The following PDZRN3 variants were observed in gnomAD, a reference collection of about 807,000 sequenced individuals.
PDZRN3 encodes the protein E3 ubiquitin-protein ligase PDZRN3.
A neutral mutation model predicts 85.7 loss-of-function variants in PDZRN3; 38 were observed. The observed-to-expected ratio is 0.44, with a 90% CI of 0.34 to 0.58. The LOEUF (loss-of-function observed/expected upper bound fraction) is 0.58. Ranked by LOEUF, PDZRN3 falls within the 20% of genes least tolerant of loss-of-function variation. The pLI, the probability that PDZRN3 is intolerant of heterozygous loss-of-function variation, is 0.01. For missense variants in PDZRN3, 1,629 were observed against 1,506.4 expected (o/e 1.08, Z -1.35); for synonymous variants, 759 against 638.0 (o/e 1.19, Z -2.86).
intron 3 of PDZRN3, among the ~76,000 whole-genome samples, chr3:73,458,261 C>T (rs754447748): frequency 6.6e-6 from 1 of 151,946 alleles, no homozygotes; most frequent in Non-Finnish European, 1.5e-5. Context: ...TGAGTGGATT[C>T]TGCTCGGTGC....
At chr3:73,484,027 G>C (rs1246067545) in intron 3 of PDZRN3, among the ~76,000 whole-genome samples, 2 of 152,120 alleles carry the variant, frequency 1.3e-5, no homozygotes, top group African/African-American at 2.4e-5. Context: ...AAAGTGGAGG[G>C]ACGTAGAATC....
intron 8 of PDZRN3, 101 bp from the exon 9 acceptor site, chr3:73,385,886 G>C (rs1701372109): frequency 2.7e-6 from 2 of 737,110 alleles, no homozygotes; most frequent in Admixed American, 2.0e-5. Context: ...TATTTCTAGG[G>C]CTTCCTCCAA....
chr3:73,439,432 G>A (rs868069832), intron 3 of PDZRN3, among the ~76,000 whole-genome samples: 1 of 152,190 alleles, frequency 6.6e-6, no homozygotes, highest in Non-Finnish European at 1.5e-5. Flanking sequence ...CATGGCTAGA[G>A]AGCCCAAATC....
chr3:73,480,428 CACACATAA>C (rs1012062674), intron 3 of PDZRN3, among the ~76,000 whole-genome samples: 17 of 152,184 alleles, frequency 1.1e-4, no homozygotes, highest in African/African-American at 3.9e-4. Flanking sequence ...TGGTTTTCTG[CACACATAA>C]GTCTCTCGGC....
At chr3:73,595,515 T>C (rs185628728) in intron 3 of PDZRN3, among the ~76,000 whole-genome samples, 4 of 152,234 alleles carry the variant, frequency 2.6e-5, no homozygotes, top group Admixed American at 6.5e-5. Flanking sequence ...AAGCAAGAAA[T>C]ATCAAGTCTT....
intron 3 of PDZRN3, among the ~76,000 whole-genome samples, chr3:73,521,832 TAA>T (rs1202966988): frequency 1.3e-5 from 2 of 152,140 alleles, no homozygotes; most frequent in Admixed American, 6.5e-5. Flanking sequence ...AAATGTTTGT[TAA>T]ATACCTGTTG....
intron 3 of PDZRN3, among the ~76,000 whole-genome samples, chr3:73,437,770 T>G (rs1463645543): frequency 6.6e-6 from 1 of 152,180 alleles, no homozygotes; most frequent in Non-Finnish European, 1.5e-5. Flanking sequence ...CTAGCACATT[T>G]AGAATGGTGT....
intron 3 of PDZRN3, among the ~76,000 whole-genome samples, chr3:73,473,244 A>G (rs956687558): frequency 3.3e-5 from 5 of 152,074 alleles, no homozygotes; most frequent in Admixed American, 3.3e-4. Context: ...TTTCGCAGAA[A>G]TATTTTTTTT....
chr3:73,521,636 A>G (rs1031530800), intron 3 of PDZRN3, among the ~76,000 whole-genome samples: 3 of 152,000 alleles, frequency 2.0e-5, no homozygotes, highest in Admixed American at 2.0e-4. Context: ...GCTGCTGCAC[A>G]CTCTGCTGTA....
At chr3:73,531,659 C>T (rs1303196222) in intron 3 of PDZRN3, among the ~76,000 whole-genome samples, 1 of 152,180 alleles carries the variant, frequency 6.6e-6, no homozygotes, top group Non-Finnish European at 1.5e-5. Context: ...TAAGGGACTG[C>T]CTTCCTGGTC....
At position 73,443,484 on chromosome 3, in the gene PDZRN3, T is replaced by TTTC. The variant is rs1553689599; in HGVS notation, c.919-39090_919-39089insGAA. On this transcript the variant is annotated intron_variant, in intron 3 of 9. Transcript: ENST00000263666. Reference sequence around the variant, plus strand: ...CTTGATTTATTTTCCTTTTTCTTTTTTTTTTTTTTTTTTTGGGGGGGGGAC... The same window carrying TTTC: ...CTTGATTTATTTTCCTTTTTCTTTTTTTCTTTTTTTTTTTTTTGGGGGGGGGAC... Among the ~76,000 whole-genome samples, 3 of 20,998 alleles carry TTTC rather than the reference T, an allele frequency of 1.4e-4. No homozygotes were observed. In the South Asian group the frequency reaches 0.029, roughly 202 times the overall value. 13.8% of individuals were successfully genotyped at this position (20,998 alleles called of 152,430 possible).
At chr3:73,412,916 G>A (rs1196043765) in intron 3 of PDZRN3, among the ~76,000 whole-genome samples, 3 of 152,220 alleles carry the variant, frequency 2.0e-5, no homozygotes, top group Non-Finnish European at 4.4e-5. Flanking sequence ...TGGGGCTCCA[G>A]GGTGAGACAC....
intron 3 of PDZRN3, chr3:73,433,515 G>A (rs1401615913): frequency 3.1e-6 from 2 of 639,790 alleles, no homozygotes; most frequent in South Asian, 2.3e-5. Flanking sequence ...CAGAAAGGCT[G>A]CGTCTTTCAG....
intron 3 of PDZRN3, among the ~76,000 whole-genome samples, chr3:73,600,264 C>T (rs1702493780): frequency 6.7e-6 from 1 of 150,202 alleles, no homozygotes; most frequent in Admixed American, 6.7e-5. Context: ...AAGAAGACAT[C>T]TGGTGGAAAA....
At chr3:73,417,425 A>G (rs530125066) in intron 3 of PDZRN3, among the ~76,000 whole-genome samples, 20 of 152,338 alleles carry the variant, frequency 1.3e-4, no homozygotes, top group Admixed American at 1.2e-3. Context: ...ACTATTCTGG[A>G]GAACTATGCT....
At chr3:73,520,867 A>G (rs779364415) in intron 3 of PDZRN3, among the ~76,000 whole-genome samples, 5 of 152,192 alleles carry the variant, frequency 3.3e-5, no homozygotes, top group Non-Finnish European at 5.9e-5. Flanking sequence ...CAGCACCCAG[A>G]TGGTAATACA....
chr3:73,460,290 C>T (rs1033504467), intron 3 of PDZRN3, among the ~76,000 whole-genome samples: 7 of 152,154 alleles, frequency 4.6e-5, no homozygotes, highest in Admixed American at 3.3e-4. Flanking sequence ...CAGGGCAAAT[C>T]ACTACCTATG....
chr3:73,461,417 T>C (rs1703100933), intron 3 of PDZRN3, among the ~76,000 whole-genome samples: 1 of 152,170 alleles, frequency 6.6e-6, no homozygotes, highest in Non-Finnish European at 1.5e-5. Context: ...TTTGGACATG[T>C]CTCCCATTTA....
intron 3 of PDZRN3, among the ~76,000 whole-genome samples, chr3:73,476,895 C>CT (rs1703469735): frequency 6.6e-6 from 1 of 152,190 alleles, no homozygotes; most frequent in Non-Finnish European, 1.5e-5. Flanking sequence ...CCTCATGGGA[C>CT]TACCCAGCTA....
Sources: gnomAD v4.1 joint callset for allele counts (sites outside exome capture counted in the v4.1 genomes callset) on GRCh38, gnomAD v4.1.1 for gene constraint, MANE v1.5 for transcripts, NCBI Gene and HGNC (gene_info 2026-07-23, HGNC 2026-07-21) for gene names.